Variants in IGSF21 observed in about 807,000 individuals in gnomAD.
IGSF21 encodes immunoglobulin superfamily member 21.
In IGSF21, 28 loss-of-function variants were observed where a neutral mutation model predicts 46.8. The observed-to-expected ratio is 0.60, with a 90% CI of 0.44 to 0.82. The LOEUF (loss-of-function observed/expected upper bound fraction) is 0.82. IGSF21 is among the 40% of genes least tolerant of loss of function. The pLI, the probability that IGSF21 is intolerant of heterozygous loss-of-function variation, is 0.00. For missense variants in IGSF21, 624 were observed against 665.5 expected (o/e 0.94, Z 0.69); for synonymous variants, 284 against 273.6 (o/e 1.04, Z -0.38).
At chr1:18,340,982 CT>C (rs2085828900) in intron 4 of IGSF21, among the ~76,000 whole-genome samples, 1 of 130,800 alleles carries the variant, frequency 7.6e-6, no homozygotes, top group South Asian at 2.8e-4. Flanking sequence ...CCTTCTTCTT[CT>C]CCTTCTTCTT....
chr1:18,308,068 C>A (rs1394242596), intron 3 of IGSF21, among the ~76,000 whole-genome samples: 1 of 152,210 alleles, frequency 6.6e-6, no homozygotes, highest in Non-Finnish European at 1.5e-5. Context: ...GAGCCTCTCT[C>A]TTCCATGGTT....
At chr1:18,350,137 C>T (rs146096986) in intron 4 of IGSF21, among the ~76,000 whole-genome samples, 2 of 152,238 alleles carry the variant, frequency 1.3e-5, no homozygotes, top group African/African-American at 4.8e-5. Flanking sequence ...CCACTGTCCA[C>T]TTGGCTTGGC....
intron 1 of IGSF21, among the ~76,000 whole-genome samples, chr1:18,127,093 C>T (rs971335932): frequency 1.3e-5 from 2 of 152,222 alleles, no homozygotes; most frequent in African/African-American, 2.4e-5. Flanking sequence ...ACTCCTTGCT[C>T]TCAGCTAAGT....
intron 1 of IGSF21, among the ~76,000 whole-genome samples, chr1:18,161,441 C>T (rs1021676400): frequency 2.0e-5 from 3 of 152,108 alleles, no homozygotes; most frequent in African/African-American, 7.2e-5. Flanking sequence ...CTGCAAATGC[C>T]AGCTTGAGTC....
chr1:18,364,360 C>T (rs754659238), intron 5 of IGSF21, among the ~76,000 whole-genome samples: 4 of 151,926 alleles, frequency 2.6e-5, no homozygotes, highest in African/African-American at 4.8e-5. Context: ...TTACAAACTC[C>T]GACAAAAATC....
chr1:18,163,136 G>C (rs1259438063), intron 1 of IGSF21, among the ~76,000 whole-genome samples: 2 of 152,102 alleles, frequency 1.3e-5, no homozygotes, highest in Non-Finnish European at 2.9e-5. Context: ...TCGTATTCTG[G>C]GGTTAAGACC....
At chr1:18,314,887 T>C (rs754146441) in intron 3 of IGSF21, among the ~76,000 whole-genome samples, 1 of 152,030 alleles carries the variant, frequency 6.6e-6, no homozygotes, top group Non-Finnish European at 1.5e-5. Context: ...GGTACAATGA[T>C]GGGGACTCTT....
rs2085064026 is a variant in IGSF21 at position 18,273,393 on chromosome 1, TC to T, written c.184-18471del. Among the ~76,000 whole-genome samples the T allele has an allele frequency of 2.0e-5, 3 of 147,768 alleles. No individual in the cohort carries two copies. In the South Asian group the frequency reaches 6.6e-4, roughly 32 times the overall value. ...TCCTTTCCTTTCCTTTCCTTTCCTT[TC>T]CTTTCCTTTCCTTTCCTTTCTTTTC... On this transcript the variant is annotated intron_variant, in intron 2 of 9. Coordinates refer to ENST00000251296, the MANE Select transcript of IGSF21 (RefSeq NM_032880.5).
intron 1 of IGSF21, among the ~76,000 whole-genome samples, chr1:18,143,591 A>C (rs1479367683): frequency 2.0e-5 from 3 of 152,120 alleles, no homozygotes; most frequent in Non-Finnish European, 4.4e-5. Context: ...GTCTTGCTGG[A>C]GAATCTGTTC....
At chr1:18,328,647 G>A (rs2085682143) in intron 3 of IGSF21, among the ~76,000 whole-genome samples, 1 of 152,216 alleles carries the variant, frequency 6.6e-6, no homozygotes, top group Admixed American at 6.5e-5. Flanking sequence ...CTCCCAGCAT[G>A]CCAGGCCCTG....
intron 2 of IGSF21, among the ~76,000 whole-genome samples, chr1:18,247,211 C>A (rs1324554270): frequency 6.6e-6 from 1 of 152,104 alleles, no homozygotes; most frequent in Non-Finnish European, 1.5e-5. Flanking sequence ...GGGATGTGAA[C>A]CTTCCACTTC....
At chr1:18,160,404 A>T (rs1382438576) in intron 1 of IGSF21, among the ~76,000 whole-genome samples, 1 of 152,238 alleles carries the variant, frequency 6.6e-6, no homozygotes, top group Admixed American at 6.5e-5. Context: ...TAGGTGTTCA[A>T]CAAAAGGCAG....
intron 2 of IGSF21, among the ~76,000 whole-genome samples, chr1:18,229,213 G>C (rs1275513556): frequency 6.6e-6 from 1 of 152,166 alleles, no homozygotes. Context: ...AAGTGATGGA[G>C]CATGGAAGAG....
At chr1:18,156,055 G>C in intron 1 of IGSF21, among the ~76,000 whole-genome samples, 1 of 152,198 alleles carries the variant, frequency 6.6e-6, no homozygotes, top group East Asian at 1.9e-4. Context: ...AGCTAATCCC[G>C]GTAAGTGGGC....
intron 1 of IGSF21, among the ~76,000 whole-genome samples, chr1:18,179,934 T>A (rs1450206484): frequency 6.6e-6 from 1 of 152,274 alleles, no homozygotes; most frequent in African/African-American, 2.4e-5. Flanking sequence ...GAAAAGAAAC[T>A]GCCAAGCACA....
At chr1:18,117,591 A>T (rs995969943) in intron 1 of IGSF21, among the ~76,000 whole-genome samples, 3 of 152,216 alleles carry the variant, frequency 2.0e-5, no homozygotes, top group Admixed American at 2.0e-4. Context: ...CCAGGAGGCC[A>T]TATGCACAGT....
chr1:18,269,544 A>G (rs1304004303), intron 2 of IGSF21, among the ~76,000 whole-genome samples: 1 of 152,202 alleles, frequency 6.6e-6, no homozygotes, highest in East Asian at 1.9e-4. Context: ...TCTAAAGTCC[A>G]GAGTCTGCAC....
intron 2 of IGSF21, among the ~76,000 whole-genome samples, chr1:18,266,980 T>A (rs1303422774): frequency 6.6e-6 from 1 of 152,090 alleles, no homozygotes; most frequent in African/African-American, 2.4e-5. Flanking sequence ...CTTCCAGGAC[T>A]AATAAGGGAG....
intron 1 of IGSF21, among the ~76,000 whole-genome samples, chr1:18,122,202 T>C (rs1198589879): frequency 4.2e-4 from 60 of 142,988 alleles, no homozygotes; most frequent in Non-Finnish European, 6.9e-4. Flanking sequence ...TCTTTTTTTT[T>C]TTTTTTTTTT....
Sources: allele counts gnomAD v4.1 joint callset (sites outside exome capture counted in the v4.1 genomes callset), GRCh38; gene constraint gnomAD v4.1.1; transcripts MANE v1.5; gene names NCBI Gene and HGNC (gene_info 2026-07-23, HGNC 2026-07-21).